C5orf58: variants seen among roughly 807,000 people sequenced by gnomAD.
The protein encoded by C5orf58 is chromosome 5 open reading frame 58, also known as putative uncharacterized protein C5orf58.
In C5orf58, 2 loss-of-function variants were observed where a neutral mutation model predicts 2.9. The observed-to-expected ratio is 0.69, with a 90% CI of 0.28 to 2.18. C5orf58 has a LOEUF of 2.18. Among genes scored for constraint, C5orf58 ranks in the 30% most tolerant of loss-of-function variants. The pLI is 0.13. For missense variants in C5orf58, 96 were observed against 91.7 expected (o/e 1.05, Z -0.19); for synonymous variants, 37 against 33.4 (o/e 1.11, Z -0.37).
intron 1 of C5orf58, 89 bp downstream of exon 1, chr5:170,233,096 C>A (rs1418132228): frequency 1.7e-5 from 8 of 470,286 alleles, no homozygotes; most frequent in Non-Finnish European, 2.0e-5. Context: ...GCCCGAGGCT[C>A]CACCTTCCAC....
chr5:170,234,140 G>C lies in C5orf58; in HGVS notation c.-59G>C. 7.3e-7 allele frequency: 1 copy of C among 1,367,554 alleles called. No individual in the cohort carries two copies. The highest frequency in any genetic ancestry group is 1.1e-5 in the South Asian group (1 of 88,044). 84.7% of individuals were successfully genotyped at this position (1,367,554 alleles called of 1,614,324 possible). A position where few individuals can be genotyped will look rare whatever the true frequency, so the allele number is the denominator to read the frequency against. On this transcript the variant is annotated 5_prime_UTR_variant, in exon 2 of 4. Transcript: ENST00000593851. Reference sequence around the variant, plus strand: ...TTTTTTTACAGTGGCTCTGAAATGAGAGAAATTGCAGAAATTCTCCCTGCT... The same window carrying C: ...TTTTTTTACAGTGGCTCTGAAATGACAGAAATTGCAGAAATTCTCCCTGCT...
exon 3 of C5orf58, chr5:170,252,152 C>A: frequency 4.0e-6 from 1 of 250,574 alleles, no homozygotes. Flanking sequence ...CCATGTGATT[C>A]CTATGACAAG....
intron 3 of C5orf58, among the ~76,000 whole-genome samples, chr5:170,245,644 G>T (rs1056910763): frequency 6.6e-6 from 1 of 152,164 alleles, no homozygotes; most frequent in African/African-American, 2.4e-5. Context: ...CACACCGTGC[G>T]CGCACCCACT....
At chr5:170,248,591 G>A, downstream of C5orf58, 1 of 1,174,702 alleles carries the variant, frequency 8.5e-7, no homozygotes, top group South Asian at 1.3e-5. Context: ...GTGTTCATGG[G>A]GAGGGGTTCA....
chr5:170,233,077 T>A (rs906988710), intron 1 of C5orf58, 70 bp downstream of exon 1: 1 of 720,794 alleles, frequency 1.4e-6, no homozygotes, highest in African/African-American at 1.9e-5. Context: ...CCGCTGAAAT[T>A]TCCAGGCTGC....
At chr5:170,250,597 A>T (rs1761413634), downstream of C5orf58, 13 of 694,564 alleles carry the variant, frequency 1.9e-5, no homozygotes, top group Non-Finnish European at 3.3e-5. Flanking sequence ...CTTCCAATAA[A>T]TGAAGGGCTT....
At chr5:170,251,508 C>T (rs763047364) in intron 2 of C5orf58, 2 of 326,778 alleles carry the variant, frequency 6.1e-6, no homozygotes, top group African/African-American at 2.1e-5. Context: ...AATATTAATA[C>T]TGTAAAGATC....
At chr5:170,236,523 G>A (rs1481451553) in intron 3 of C5orf58, among the ~76,000 whole-genome samples, 2 of 152,108 alleles carry the variant, frequency 1.3e-5, no homozygotes, top group African/African-American at 4.8e-5. Flanking sequence ...TCTAAAATGC[G>A]AATCTGCAGA....
At chr5:170,252,367 G>T (rs934574071), downstream of C5orf58, 16 of 898,216 alleles carry the variant, frequency 1.8e-5, no homozygotes, top group Non-Finnish European at 2.7e-5. Flanking sequence ...TGGTACTCAG[G>T]ACAGGTCAGT....
At chr5:170,246,333 A>T (rs186120467), downstream of C5orf58, 58 of 357,980 alleles carry the variant, frequency 1.6e-4, no homozygotes, top group African/African-American at 1.1e-3. Context: ...GTCACTGCTT[A>T]TCCTTTAGCT....
chr5:170,249,420 A>G (rs1158707087), downstream of C5orf58, among the ~76,000 whole-genome samples: 1 of 151,352 alleles, frequency 6.6e-6, no homozygotes, highest in East Asian at 1.9e-4. Flanking sequence ...TTTGAAATGC[A>G]TATATTTTTA....
At chr5:170,249,536 C>T (rs1019981548), downstream of C5orf58, among the ~76,000 whole-genome samples, 2 of 151,994 alleles carry the variant, frequency 1.3e-5, no homozygotes, top group African/African-American at 4.8e-5. Flanking sequence ...ATTTCACCCC[C>T]AGTCATTAAT....
chr5:170,236,324 C>A (rs1581035296), intron 3 of C5orf58, among the ~76,000 whole-genome samples: 1 of 152,078 alleles, frequency 6.6e-6, no homozygotes, highest in African/African-American at 2.4e-5. Context: ...ATCTGTGAAC[C>A]CTGCTGTTTC....
intron 1 of C5orf58, chr5:170,233,432 G>T (rs1760600887): frequency 6.6e-6 from 1 of 152,376 alleles, no homozygotes. Flanking sequence ...TGGGCAGTTG[G>T]GTCGCTGAGG....
At chr5:170,252,373 T>A, downstream of C5orf58, 10 of 953,430 alleles carry the variant, frequency 1.0e-5, no homozygotes, top group South Asian at 1.3e-4. Context: ...TCAGGACAGG[T>A]CAGTTCCCTT....
chr5:170,249,208 C>G (rs1349207031), downstream of C5orf58, among the ~76,000 whole-genome samples: 1 of 151,782 alleles, frequency 6.6e-6, no homozygotes, highest in Non-Finnish European at 1.5e-5. Flanking sequence ...GCCTGTAATC[C>G]CAGCTGCTTG....
At chr5:170,235,414 G>T (rs1439018948) in intron 3 of C5orf58, among the ~76,000 whole-genome samples, 1 of 152,080 alleles carries the variant, frequency 6.6e-6, no homozygotes, top group Non-Finnish European at 1.5e-5. Flanking sequence ...AGCCCCTAAG[G>T]TCCATTCCAA....
intron 3 of C5orf58, among the ~76,000 whole-genome samples, chr5:170,240,628 T>A (rs1760960061): frequency 6.6e-6 from 1 of 151,832 alleles, no homozygotes; most frequent in Non-Finnish European, 1.5e-5. Context: ...GGTTGTTTGT[T>A]TTTTTCTTGT....
intron 3 of C5orf58, among the ~76,000 whole-genome samples, chr5:170,244,860 G>A (rs1386411951): frequency 2.5e-4 from 38 of 150,260 alleles, no homozygotes; most frequent in South Asian, 6.3e-4. Context: ...GGCGCTCTGC[G>A]TTTTAGAGTT....
Sources: allele counts gnomAD v4.1 joint callset (sites outside exome capture counted in the v4.1 genomes callset), GRCh38; gene constraint gnomAD v4.1.1; transcripts MANE v1.5; gene names NCBI Gene and HGNC (gene_info 2026-07-23, HGNC 2026-07-21).